SNX14: variants seen among roughly 807,000 people sequenced by gnomAD.
SNX14 encodes the protein sorting nexin-14.
In SNX14, 93 loss-of-function variants were observed where a neutral mutation model predicts 133.8. The ratio of observed to expected loss-of-function variants is 0.70; its 90% CI spans 0.59 to 0.83. The LOEUF is 0.83. Among genes scored for constraint, SNX14 ranks in the 40% least tolerant of loss-of-function variants. The probability of loss-of-function intolerance (pLI) is 0.00; values close to 1 mark genes in which losing one functional copy is unlikely to be tolerated. For missense variants in SNX14, 945 were observed against 1,094.9 expected, an observed-to-expected ratio of 0.86 and a Z score of 1.93; for synonymous variants, 368 against 365.6, an observed-to-expected ratio of 1.01 and a Z score of -0.07.
chr6:85,574,873 CAT>C (rs756546315), intron 1 of SNX14, among the ~76,000 whole-genome samples: 21 of 152,144 alleles, frequency 1.4e-4, no homozygotes, highest in Non-Finnish European at 1.0e-4. Flanking sequence ...TGTGATCACA[CAT>C]GTGATATTAC....
chr6:85,536,822 A>C lies in SNX14; in HGVS notation c.1578T>G (p.Asn526Lys). ...CATCTTCACCTTCAGCTACACCATA[A>C]TTAGGCAACATAGCTCCCTCCATTG... ...STTMEGAMLPNYGVAEGEDDF... is the reference protein window; with the variant it reads ...STTMEGAMLPKYGVAEGEDDF... Residue 526 changes from asparagine (N) to lysine (K), a missense_variant, in exon 17 of 29, where the codon AAT becomes AAG. Physicochemically the swap from Asn to Lys is moderately conservative, Grantham distance 94. Transcript: ENST00000314673. 6.2e-7 allele frequency: 1 copy of C among 1,613,050 alleles called. No homozygotes were observed. Among genetic ancestry groups the C allele is most frequent in the Non-Finnish European group, 8.5e-7 (1 of 1,179,566 alleles).
At chr6:85,512,547 A>C (rs1476717999) in intron 26 of SNX14, among the ~76,000 whole-genome samples, 1 of 150,586 alleles carries the variant, frequency 6.6e-6, no homozygotes, top group East Asian at 2.0e-4. Flanking sequence ...GCTTGAACCC[A>C]GGAGGCGGAG....
At chr6:85,549,033 T>C (rs1033685207) in intron 8 of SNX14, among the ~76,000 whole-genome samples, 1 of 151,542 alleles carries the variant, frequency 6.6e-6, no homozygotes, top group Non-Finnish European at 1.5e-5. Context: ...TAAATGTTTA[T>C]TATATATTTA....
At chr6:85,554,994 T>A (rs570199030) in intron 7 of SNX14, among the ~76,000 whole-genome samples, 1 of 152,180 alleles carries the variant, frequency 6.6e-6, no homozygotes, top group East Asian at 1.9e-4. Flanking sequence ...CTAATTTTTT[T>A]ATTTTTTTGT....
chr6:85,582,131 C>T (rs901346016), intron 1 of SNX14, among the ~76,000 whole-genome samples: 19 of 152,110 alleles, frequency 1.2e-4, no homozygotes, highest in African/African-American at 4.6e-4. Context: ...CAATGGAGCT[C>T]CAACGCATCT....
chr6:85,570,792 GC>G (rs1795290355), intron 4 of SNX14, among the ~76,000 whole-genome samples: 1 of 152,068 alleles, frequency 6.6e-6, no homozygotes, highest in Non-Finnish European at 1.5e-5. Context: ...GGCGGAGGTT[GC>G]AGTGAGCCAA....
At position 85,514,609 on chromosome 6, in the gene SNX14, T is replaced by C; in HGVS notation, c.2289A>G (p.Lys763=). Residue 763 remains lysine, a synonymous_variant, in exon 24 of 29, where the codon AAA becomes AAG. Coordinates refer to ENST00000314673, the MANE Select transcript of SNX14 (RefSeq NM_153816.6). ...TATTTTCAGCACGGTTTGCATTATT[T>C]TTAAACAGATCATTGAAAAGCTAAA... is the stretch of plus-strand genomic sequence containing the variant. The part of the protein sequence containing the change: ...NNKKLFNDLF[K]NNANRAENTE... The C allele has an allele frequency of 6.2e-7, 1 of 1,611,826 alleles. No homozygotes were observed.
chr6:85,572,520 T>G (rs529594971), intron 2 of SNX14, 146 bp from the exon 3 acceptor site: 1 of 642,270 alleles, frequency 1.6e-6, no homozygotes, highest in African/African-American at 1.8e-5. Flanking sequence ...AATCTTTCTT[T>G]GTAATACATA....
intron 17 of SNX14, 77 bp from the exon 18 acceptor site, chr6:85,533,877 G>A: frequency 9.1e-7 from 1 of 1,097,208 alleles, no homozygotes; most frequent in Non-Finnish European, 1.3e-6. Flanking sequence ...CAAGTATAAA[G>A]TAATATGCCC....
At chr6:85,518,189 T>G (rs529565726) in intron 21 of SNX14, 141 bp from the exon 22 acceptor site, 70 of 629,870 alleles carry the variant, frequency 1.1e-4, no homozygotes, top group Admixed American at 2.2e-4. Flanking sequence ...CATTTCACAC[T>G]CCATGGAAAT....
chr6:85,557,926 T>C (rs750745979), intron 7 of SNX14, 50 bp downstream of exon 7: 10 of 981,520 alleles, frequency 1.0e-5, no homozygotes, highest in African/African-American at 3.3e-5. Context: ...CGGGTGAAAA[T>C]TGGTGTATAA....
At position 85,574,885 on chromosome 6, in the gene SNX14, C is replaced by T. The variant is rs139197828; in HGVS notation, c.141-507G>A. On this transcript the variant is annotated intron_variant, in intron 1 of 28. Coordinates refer to ENST00000314673, the MANE Select transcript of SNX14 (RefSeq NM_153816.6). ...CTATGTGATCACACATGTGATATTA[C>T]GACAGAAAGTCTGTGTGATATGGGA... is the stretch of plus-strand genomic sequence containing the variant. 7.8e-3 allele frequency among the ~76,000 whole-genome samples: 1,193 copies of T among 152,124 alleles called. 12 individuals are homozygous for T. The highest frequency in any genetic ancestry group is 0.027 in the African/African-American group (1,119 of 41,400).
intron 23 of SNX14, among the ~76,000 whole-genome samples, chr6:85,516,755 G>A (rs755863694): frequency 2.7e-5 from 4 of 149,670 alleles, no homozygotes; most frequent in Non-Finnish European, 5.9e-5. Context: ...CTCCTGCCTC[G>A]GCCTCCCGAG....
chr6:85,584,911 A>G (rs1363435592), intron 1 of SNX14, among the ~76,000 whole-genome samples: 1 of 152,228 alleles, frequency 6.6e-6, no homozygotes, highest in Non-Finnish European at 1.5e-5. Flanking sequence ...ATATACCCAA[A>G]GAATTATAAA....
rs1454259251 is a variant in SNX14, at chr6:85,517,760, T to G, written c.2264A>C (p.Lys755Thr). 1.3e-6 allele frequency: 2 copies of G among 1,596,552 alleles called. No individual in the cohort carries two copies. The highest frequency in any genetic ancestry group is 1.4e-5 in the African/African-American group (1 of 73,764). The change falls in exon 23 of 29, where the codon AAG becomes ACG. Residue 755 changes from lysine to threonine, a missense_variant. Physicochemically the swap from Lys to Thr is moderately conservative, Grantham distance 78. Around this residue, in one of 3 missense-constraint regions of SNX14, gnomAD observed 412 missense variants for 516.6 expected, o/e 0.80. Transcript: ENST00000314673. Reference sequence around the variant, plus strand: ...CTTTAATGCAATGTGCAGTACCTTCTTGTTGTTTTCTGAAGTAGGGCTGAG... The same window carrying G: ...CTTTAATGCAATGTGCAGTACCTTCGTGTTGTTTTCTGAAGTAGGGCTGAG... ...TILSPTSENN[K>T]KLFNDLFKNN...
intron 5 of SNX14, among the ~76,000 whole-genome samples, chr6:85,566,986 A>G (rs9444353): frequency 0.11 from 16,836 of 151,500 alleles, 1,351 homozygotes; most frequent in African/African-American, 0.23. Context: ...GTACTTGGGG[A>G]AAAAAAAACC....
chr6:85,561,184 A>G (rs1791439230), intron 6 of SNX14: 1 of 151,928 alleles, frequency 6.6e-6, no homozygotes, highest in Admixed American at 6.6e-5. Context: ...AAATACAAAA[A>G]AAGAATTAGT....
Position 85,536,870 on chromosome 6 carries a change from A to G in SNX14, c.1530T>C (p.Ile510=). The change falls in exon 17 of 29, where the codon ATT becomes ATC. Residue 510 remains isoleucine, a synonymous_variant. Transcript: ENST00000314673. The stretch of plus-strand genomic sequence containing the variant: ...TTGTGGTACTTTTGAATACTCCTTT[A>G]ATTTTGCTACCTATTCTGCTGATTC... The part of the protein sequence containing the change: ...SFGISRIGSK[I]KGVFKSTTME... 6.2e-7 allele frequency: 1 copy of G among 1,613,414 alleles called. No homozygotes were observed. Among genetic ancestry groups the G allele is most frequent in the Non-Finnish European group, 8.5e-7 (1 of 1,179,694 alleles).
intron 21 of SNX14, among the ~76,000 whole-genome samples, chr6:85,521,411 GT>G (rs931083473): frequency 1.3e-5 from 2 of 149,342 alleles, no homozygotes; most frequent in African/African-American, 4.9e-5. Context: ...CTTTTTTGTT[GT>G]TTTTTTTTCG....
Sources: allele counts gnomAD v4.1 joint callset (sites outside exome capture counted in the v4.1 genomes callset), GRCh38; gene constraint gnomAD v4.1.1; regional missense constraint gnomAD v4.1.1; transcripts MANE v1.5; gene names NCBI Gene and HGNC (gene_info 2026-07-23, HGNC 2026-07-21).